Variants in VCAN observed in about 807,000 individuals in gnomAD.
VCAN encodes the protein versican core protein.
A neutral mutation model predicts 245.5 loss-of-function variants in VCAN; 44 were observed. The ratio of observed to expected loss-of-function variants is 0.18; its 90% CI spans 0.14 to 0.23. The LOEUF is 0.23. Among genes scored for constraint, VCAN ranks in the 10% least tolerant of loss-of-function variants. The pLI is 1.00. For synonymous variants in VCAN, 1,413 were observed against 1,437.0 expected (o/e 0.98, Z 0.38); for missense variants, 3,793 against 4,057.9 (o/e 0.93, Z 1.77).
At chr5:83,498,791 G>A (rs1442997230) in intron 5 of VCAN, among the ~76,000 whole-genome samples, 1 of 152,128 alleles carries the variant, frequency 6.6e-6, no homozygotes, top group Non-Finnish European at 1.5e-5. Flanking sequence ...GTCACAAATA[G>A]TCCCCATCAC....
chr5:83,579,785 A>G (rs1409172050), intron 13 of VCAN, among the ~76,000 whole-genome samples, 195 bp from the exon 14 acceptor site: 1 of 152,198 alleles, frequency 6.6e-6, no homozygotes, highest in East Asian at 1.9e-4. Context: ...AGATGGCATA[A>G]TCTGAGATTC....
chr5:83,573,149 C>T (rs950596936), intron 13 of VCAN, among the ~76,000 whole-genome samples: 1 of 152,112 alleles, frequency 6.6e-6, no homozygotes, highest in Non-Finnish European at 1.5e-5. Context: ...CTGCCAGCCT[C>T]AGCCTCCCAA....
chr5:83,565,647 A>C (rs1020758647), intron 12 of VCAN, among the ~76,000 whole-genome samples: 7 of 152,164 alleles, frequency 4.6e-5, no homozygotes, highest in Non-Finnish European at 8.8e-5. Flanking sequence ...CAAGTTAGAG[A>C]ATCTCAGTGA....
intron 7 of VCAN, among the ~76,000 whole-genome samples, chr5:83,525,238 G>A (rs948089578): frequency 4.0e-5 from 6 of 151,878 alleles, no homozygotes; most frequent in African/African-American, 1.5e-4. Flanking sequence ...ATGCTATGGG[G>A]TGTGTTTAAC....
chr5:83,490,696 T>C (rs142101527), intron 3 of VCAN, among the ~76,000 whole-genome samples: 145 of 152,284 alleles, frequency 9.5e-4, no homozygotes, highest in African/African-American at 3.3e-3. Context: ...TGAAGGAAAG[T>C]ATTGTATACT....
intron 7 of VCAN, among the ~76,000 whole-genome samples, chr5:83,525,878 T>C (rs1446488121): frequency 6.6e-6 from 1 of 152,150 alleles, no homozygotes; most frequent in African/African-American, 2.4e-5. Flanking sequence ...ACAAGGAACA[T>C]TGGCTCTGAG....
At chr5:83,533,742 G>C (rs1746605582) in intron 7 of VCAN, among the ~76,000 whole-genome samples, 1 of 152,134 alleles carries the variant, frequency 6.6e-6, no homozygotes, top group South Asian at 2.1e-4. Context: ...TACTACATCT[G>C]AGTTGGTTTT....
At chr5:83,577,067 TTTTA>T (rs1332783392) in intron 13 of VCAN, among the ~76,000 whole-genome samples, 2 of 152,132 alleles carry the variant, frequency 1.3e-5, no homozygotes, top group African/African-American at 4.8e-5. Flanking sequence ...GAATCCTTAA[TTTTA>T]TTTATTTTTT....
intron 7 of VCAN, among the ~76,000 whole-genome samples, chr5:83,524,077 T>A (rs908345613): frequency 6.6e-6 from 1 of 152,158 alleles, no homozygotes; most frequent in African/African-American, 2.4e-5. Flanking sequence ...GTTCTGCATT[T>A]AAAAACTCTT....
At chr5:83,479,565 A>T (rs1230996885) in intron 1 of VCAN, among the ~76,000 whole-genome samples, 1 of 152,182 alleles carries the variant, frequency 6.6e-6, no homozygotes, top group Non-Finnish European at 1.5e-5. Context: ...AGGTCTTTCC[A>T]TGCAGACAGA....
intron 2 of VCAN, among the ~76,000 whole-genome samples, chr5:83,484,305 A>G (rs1340943494): frequency 1.3e-5 from 2 of 152,042 alleles, no homozygotes; most frequent in Admixed American, 6.6e-5. Flanking sequence ...CCATCTATTC[A>G]TTACCCCTCC....
chr5:83,504,893 G>A (rs1379053009), intron 5 of VCAN, among the ~76,000 whole-genome samples: 1 of 152,088 alleles, frequency 6.6e-6, no homozygotes, highest in Non-Finnish European at 1.5e-5. Context: ...GAATCGTGGC[G>A]GGAGGTGAAG....
intron 6 of VCAN, among the ~76,000 whole-genome samples, chr5:83,519,063 A>G (rs1644752484): frequency 6.6e-6 from 1 of 152,214 alleles, no homozygotes; most frequent in Non-Finnish European, 1.5e-5. Flanking sequence ...TTAAAACTAC[A>G]TAATATTAAT....
rs912313707 is a variant in VCAN at position 83,581,735 on chromosome 5, T to C, written c.*1301T>C. The C allele has an allele frequency of 1.3e-5, 2 of 152,188 alleles. No homozygotes were observed. The highest frequency in any genetic ancestry group is 2.9e-5 in the Non-Finnish European group (2 of 68,026). 9.4% of individuals were successfully genotyped at this position (152,188 alleles called of 1,614,324 possible). The stretch of plus-strand genomic sequence containing the variant: ...CTTCCTGTTAGGTGGAGTGTATGTG[T>C]TGACATTTCTCCCCATCTCTTCCCA... On this transcript the variant is annotated 3_prime_UTR_variant, in exon 15 of 15. Transcript: ENST00000265077.
chr5:83,575,134 C>T (rs1361303065), intron 13 of VCAN, among the ~76,000 whole-genome samples: 1 of 152,094 alleles, frequency 6.6e-6, no homozygotes, highest in East Asian at 1.9e-4. Flanking sequence ...AAAAACCATA[C>T]TCTATAAATA....
chr5:83,559,554 T>C (rs1209235268), intron 12 of VCAN, among the ~76,000 whole-genome samples: 1 of 152,082 alleles, frequency 6.6e-6, no homozygotes, highest in African/African-American at 2.4e-5. Flanking sequence ...TCACGTCTTA[T>C]CCTCATTTCA....
At chr5:83,557,330 CAGTTCACCTCTTCA>C (rs932705044) in intron 12 of VCAN, among the ~76,000 whole-genome samples, 2 of 152,144 alleles carry the variant, frequency 1.3e-5, no homozygotes, top group African/African-American at 4.8e-5. Flanking sequence ...TCTCCCTTAG[CAGTTCACCTCTTCA>C]AAGAAGTAAT....
At chr5:83,532,862 TCC>T (rs1746573436) in intron 7 of VCAN, among the ~76,000 whole-genome samples, 1 of 152,110 alleles carries the variant, frequency 6.6e-6, no homozygotes, top group Non-Finnish European at 1.5e-5. Flanking sequence ...ATTAAAGAAT[TCC>T]CATTTAGTAG....
chr5:83,481,267 C>T (rs1349763440), intron 1 of VCAN, among the ~76,000 whole-genome samples: 8 of 132,648 alleles, frequency 6.0e-5, no homozygotes, highest in Non-Finnish European at 1.2e-4. Context: ...TTTTTTGAGA[C>T]GGAGTCTCGC....
Sources: allele counts gnomAD v4.1 joint callset (sites outside exome capture counted in the v4.1 genomes callset), GRCh38; gene constraint gnomAD v4.1.1; transcripts MANE v1.5; gene names NCBI Gene and HGNC (gene_info 2026-07-23, HGNC 2026-07-21).